Variants in FMN1 observed in about 807,000 individuals in gnomAD.
FMN1 encodes formin-1.
In FMN1, 110 loss-of-function variants were observed where a neutral mutation model predicts 132.4. The ratio of observed to expected loss-of-function variants is 0.83; its 90% CI spans 0.71 to 0.97. FMN1 has a LOEUF of 0.97. Ranked by LOEUF, FMN1 falls within the 50% of genes least tolerant of loss-of-function variation. The probability of loss-of-function intolerance (pLI) is 0.00; values close to 1 mark genes in which losing one functional copy is unlikely to be tolerated. For missense variants in FMN1, 1,792 were observed against 1,705.3 expected, an observed-to-expected ratio of 1.05 and a Z score of -0.90; for synonymous variants, 722 against 651.7, an observed-to-expected ratio of 1.11 and a Z score of -1.64.
chr15:33,018,551 G>A (rs1210439090), intron 6 of FMN1, among the ~76,000 whole-genome samples: 2 of 152,164 alleles, frequency 1.3e-5, no homozygotes, highest in Non-Finnish European at 2.9e-5. Flanking sequence ...GTTCCCAGAG[G>A]GTGGTGCGCC....
At chr15:33,113,990 A>G (rs1381554343) in intron 4 of FMN1, among the ~76,000 whole-genome samples, 3 of 152,212 alleles carry the variant, frequency 2.0e-5, no homozygotes, top group East Asian at 1.9e-4. Context: ...CTCTAGGCTC[A>G]GTTATCTAAG....
At chr15:33,072,229 AAT>A (rs1403988437) in intron 5 of FMN1, among the ~76,000 whole-genome samples, 3 of 152,222 alleles carry the variant, frequency 2.0e-5, no homozygotes, top group Non-Finnish European at 4.4e-5. Context: ...TCACCTATAC[AAT>A]ATGTTTTCAA....
chr15:32,812,053 C>T (rs1373674818), intron 17 of FMN1, among the ~76,000 whole-genome samples: 1 of 150,510 alleles, frequency 6.6e-6, no homozygotes, highest in Non-Finnish European at 1.5e-5. Context: ...CAAACAAAAC[C>T]ACGAAATGGT....
chr15:33,081,583 T>G (rs1266402062), intron 5 of FMN1, among the ~76,000 whole-genome samples: 1 of 152,194 alleles, frequency 6.6e-6, no homozygotes, highest in Non-Finnish European at 1.5e-5. Context: ...TCTCACTGAT[T>G]ATAGGAGCTA....
chr15:33,009,070 T>A (rs1265548412), intron 6 of FMN1, among the ~76,000 whole-genome samples: 2 of 152,194 alleles, frequency 1.3e-5, no homozygotes, highest in Non-Finnish European at 2.9e-5. Context: ...AAAGTAGTGT[T>A]GCTGCTGATA....
intron 16 of FMN1, among the ~76,000 whole-genome samples, chr15:32,886,876 A>G (rs867080384): frequency 1.3e-5 from 2 of 152,160 alleles, no homozygotes; most frequent in South Asian, 2.1e-4. Flanking sequence ...AAGCTCCTCA[A>G]CTTCAACAAG....
chr15:32,806,853 C>T (rs2057699562), intron 17 of FMN1, among the ~76,000 whole-genome samples: 1 of 152,190 alleles, frequency 6.6e-6, no homozygotes, highest in Non-Finnish European at 1.5e-5. Context: ...CCATCCCTTG[C>T]CACTCATCAT....
intron 9 of FMN1, among the ~76,000 whole-genome samples, chr15:32,952,922 A>C (rs1210494426): frequency 6.6e-5 from 10 of 152,178 alleles, no homozygotes; most frequent in Non-Finnish European, 1.5e-4. Flanking sequence ...GGGTCAACGT[A>C]GAGTCTCACG....
chr15:32,880,751 G>A (rs1041239874), intron 16 of FMN1, among the ~76,000 whole-genome samples: 2 of 152,200 alleles, frequency 1.3e-5, no homozygotes, highest in Non-Finnish European at 2.9e-5. Context: ...TGATGCATTT[G>A]TAGCTTTTAG....
intron 7 of FMN1, 140 bp downstream of exon 7, chr15:33,007,874 G>T: frequency 1.6e-6 from 1 of 609,500 alleles, no homozygotes; most frequent in Non-Finnish European, 2.8e-6. Flanking sequence ...TCCCTGTATA[G>T]ACACAGTGCC....
intron 17 of FMN1, among the ~76,000 whole-genome samples, chr15:32,833,873 T>G (rs1031020534): frequency 2.0e-5 from 3 of 152,248 alleles, no homozygotes; most frequent in African/African-American, 7.2e-5. Flanking sequence ...TTCATTTAAA[T>G]ATGAATTTGC....
At chr15:33,052,988 G>A (rs2141185987) in intron 6 of FMN1, among the ~76,000 whole-genome samples, 1 of 6,016 alleles carries the variant, frequency 1.7e-4, no homozygotes, top group Admixed American at 2.5e-3. Flanking sequence ...CTGTGGGGGT[G>A]TGGGATCATC....
intron 15 of FMN1, among the ~76,000 whole-genome samples, chr15:32,894,759 G>T (rs2060113773): frequency 6.7e-6 from 1 of 148,526 alleles, no homozygotes; most frequent in African/African-American, 2.5e-5. Flanking sequence ...ATTATGTTTA[G>T]TAATGGAAAG....
intron 2 of FMN1, among the ~76,000 whole-genome samples, chr15:33,181,475 A>G (rs78829920): frequency 0.02 from 3,014 of 152,100 alleles, 49 homozygotes; most frequent in Middle Eastern, 0.041. Flanking sequence ...CGCTGCAAAC[A>G]CCTGTGACTT....
chr15:33,061,931 G>A (rs1595380552), intron 6 of FMN1, among the ~76,000 whole-genome samples: 1 of 152,030 alleles, frequency 6.6e-6, no homozygotes, highest in African/African-American at 2.4e-5. Context: ...TTTAAGAAAC[G>A]TGAAAACATT....
intron 8 of FMN1, among the ~76,000 whole-genome samples, chr15:32,968,280 A>G (rs748897995): frequency 5.9e-5 from 9 of 152,230 alleles, no homozygotes; most frequent in Admixed American, 1.3e-4. Flanking sequence ...TTTCTGTTAA[A>G]TATCTAGATT....
At chr15:32,835,131 C>G (rs185698818) in intron 17 of FMN1, among the ~76,000 whole-genome samples, 1 of 152,086 alleles carries the variant, frequency 6.6e-6, no homozygotes, top group African/African-American at 2.4e-5. Flanking sequence ...GTGAGCAGGC[C>G]CATGAGGAAG....
At chr15:33,079,420 C>G (rs1396403806) in intron 5 of FMN1, among the ~76,000 whole-genome samples, 1 of 152,172 alleles carries the variant, frequency 6.6e-6, no homozygotes, top group African/African-American at 2.4e-5. Context: ...ATCAGGAGTT[C>G]AACACCAACC....
intron 9 of FMN1, among the ~76,000 whole-genome samples, chr15:32,956,275 A>AAC (rs2061766108): frequency 6.6e-6 from 1 of 152,200 alleles, no homozygotes; most frequent in Admixed American, 6.5e-5. Flanking sequence ...CAACAAGAGA[A>AAC]ACATGGTTGA....
Sources: allele counts gnomAD v4.1 joint callset (sites outside exome capture counted in the v4.1 genomes callset), GRCh38; gene constraint gnomAD v4.1.1; transcripts MANE v1.5; gene names NCBI Gene and HGNC (gene_info 2026-07-23, HGNC 2026-07-21).